Variants in ATP10B observed in about 807,000 individuals in gnomAD.
ATP10B encodes ATPase phospholipid transporting 10B (putative).
In ATP10B, 122 loss-of-function variants were observed where a neutral mutation model predicts 141.2. That is an observed-to-expected ratio of 0.86 (90% confidence interval 0.75 to 1.00). ATP10B has a LOEUF of 1.00. ATP10B is among the 50% of genes least tolerant of loss of function. ATP10B has a pLI of 0.00. For missense variants in ATP10B, 1,876 were observed against 1,825.3 expected (o/e 1.03, Z -0.51); for synonymous variants, 685 against 692.0 (o/e 0.99, Z 0.16).
At chr5:160,677,592 C>T (rs1763111953) in intron 6 of ATP10B, among the ~76,000 whole-genome samples, 1 of 152,186 alleles carries the variant, frequency 6.6e-6, no homozygotes, top group African/African-American at 2.4e-5. Flanking sequence ...AGCCTGTGGT[C>T]ATTCTTTCTT....
chr5:160,773,846 G>C (rs764574898), intron 2 of ATP10B, among the ~76,000 whole-genome samples: 3 of 152,058 alleles, frequency 2.0e-5, no homozygotes, highest in Non-Finnish European at 4.4e-5. Context: ...TGACCTCCTA[G>C]CTCCTTTGAT....
chr5:160,580,032 G>A (rs939173746), intron 24 of ATP10B, among the ~76,000 whole-genome samples: 1 of 152,210 alleles, frequency 6.6e-6, no homozygotes, highest in African/African-American at 2.4e-5. Flanking sequence ...AGACTTTGCT[G>A]AAGTTGCTTA....
Position 160,606,877 on chromosome 5 carries a change from C to T in ATP10B, c.3048G>A (p.Leu1016=), listed in dbSNP as rs201233215. ...IFQGKLEKKF[L]ELTQYCRSVL... is the part of the protein sequence containing the mutation. ...CGGACCGACAATACTGGGTCAATTC[C>T]AGAAACTTCTTCTCTAGCTTTCCCT... Residue 1016 remains leucine (L), a synonymous_variant, in exon 19 of 26, where the codon CTG becomes CTA. Coordinates refer to ENST00000327245, the MANE Select transcript of ATP10B (RefSeq NM_025153.3). The T allele has an allele frequency of 1.7e-4, 277 of 1,614,066 alleles. No homozygotes were observed. The highest frequency in any genetic ancestry group is 2.0e-4 in the Non-Finnish European group (241 of 1,180,040).
chr5:160,782,477 A>T (rs892468259), intron 2 of ATP10B, among the ~76,000 whole-genome samples: 21 of 145,350 alleles, frequency 1.4e-4, no homozygotes, highest in Non-Finnish European at 2.6e-4. Context: ...ACACACACAC[A>T]CACTCACTCA....
chr5:160,868,521 TACACACACAC>T, the ATP10B span, among the ~76,000 whole-genome samples: 442 of 130,402 alleles, frequency 3.4e-3, 1 homozygote, highest in African/African-American at 0.01. Flanking sequence ...TATGAACAGA[TACACACACAC>T]ACACACACAC....
chr5:160,660,936 C>T (rs1208127650), intron 7 of ATP10B, among the ~76,000 whole-genome samples: 2 of 152,164 alleles, frequency 1.3e-5, no homozygotes, highest in African/African-American at 2.4e-5. Flanking sequence ...CCTGTAATCC[C>T]AACAGTTTGG....
At chr5:160,695,701 A>C (rs1348777790) in intron 3 of ATP10B, among the ~76,000 whole-genome samples, 1 of 152,190 alleles carries the variant, frequency 6.6e-6, no homozygotes, top group East Asian at 1.9e-4. Flanking sequence ...TCTAAAAAGC[A>C]TATCAGTGGG....
chr5:160,787,090 A>G (rs1334513330), intron 1 of ATP10B, among the ~76,000 whole-genome samples: 1 of 142,206 alleles, frequency 7.0e-6, no homozygotes, highest in African/African-American at 2.7e-5. Flanking sequence ...CTGCTCCTTG[A>G]AGGGTTTTGA....
At chr5:160,864,149 A>G in the ATP10B span, among the ~76,000 whole-genome samples, 1 of 151,900 alleles carries the variant, frequency 6.6e-6, no homozygotes, top group African/African-American at 2.4e-5. Context: ...AAAACTACAG[A>G]CCAACATCCC....
chr5:160,570,705 C>T (rs923367568), intron 24 of ATP10B, among the ~76,000 whole-genome samples: 1 of 152,200 alleles, frequency 6.6e-6, no homozygotes, highest in Non-Finnish European at 1.5e-5. Flanking sequence ...ACATGTTTAT[C>T]ACTTCTCACG....
intron 24 of ATP10B, 43 bp from the exon 25 acceptor site, chr5:160,569,726 G>T (rs1754760716): frequency 1.4e-6 from 2 of 1,427,934 alleles, no homozygotes; most frequent in South Asian, 3.0e-5. Flanking sequence ...GTATAGCTGA[G>T]ATTAGGAGGC....
At chr5:160,918,323 A>G in the ATP10B span, among the ~76,000 whole-genome samples, 1 of 152,332 alleles carries the variant, frequency 6.6e-6, no homozygotes, top group Admixed American at 6.5e-5. Context: ...AGCTAGAAGA[A>G]CACATAAACA....
chr5:160,610,560 A>G (rs946107589), intron 18 of ATP10B, among the ~76,000 whole-genome samples: 1 of 152,206 alleles, frequency 6.6e-6, no homozygotes, highest in Non-Finnish European at 1.5e-5. Context: ...GTAATTTGTT[A>G]TGTACCAATA....
At chr5:160,927,494 A>C in the ATP10B span, among the ~76,000 whole-genome samples, 2 of 152,340 alleles carry the variant, frequency 1.3e-5, no homozygotes, top group Middle Eastern at 3.4e-3. Flanking sequence ...CAAGAATGAA[A>C]TCAGCTGGTC....
chr5:160,858,103 TTCC>T, the ATP10B span, among the ~76,000 whole-genome samples: 2 of 151,916 alleles, frequency 1.3e-5, no homozygotes, highest in African/African-American at 4.8e-5. Flanking sequence ...TTGTCCATTT[TTCC>T]TCCTTTCAGT....
At chr5:160,911,312 T>C in the ATP10B span, among the ~76,000 whole-genome samples, 8 of 152,216 alleles carry the variant, frequency 5.3e-5, no homozygotes, top group Non-Finnish European at 8.8e-5. Context: ...TCCTCATCTC[T>C]GCCTCCACAT....
chr5:160,669,333 T>C (rs1014529138), intron 7 of ATP10B, among the ~76,000 whole-genome samples: 2 of 152,196 alleles, frequency 1.3e-5, no homozygotes, highest in African/African-American at 4.8e-5. Context: ...AAAACTACCC[T>C]ATGGAAAGGG....
At chr5:160,824,173 C>A (rs891690834) in intron 1 of ATP10B, among the ~76,000 whole-genome samples, 2 of 152,000 alleles carry the variant, frequency 1.3e-5, no homozygotes, top group African/African-American at 4.8e-5. Context: ...CCCGCCACCT[C>A]CCCTGGCTAA....
intron 2 of ATP10B, among the ~76,000 whole-genome samples, chr5:160,745,922 GC>G (rs1457749635): frequency 6.6e-6 from 1 of 152,192 alleles, no homozygotes; most frequent in Non-Finnish European, 1.5e-5. Context: ...TGATTCCACT[GC>G]CATAATTTAA....
Sources: gnomAD v4.1 joint callset for allele counts (sites outside exome capture counted in the v4.1 genomes callset) on GRCh38, gnomAD v4.1.1 for gene constraint, MANE v1.5 for transcripts, NCBI Gene and HGNC (gene_info 2026-07-23, HGNC 2026-07-21) for gene names.